AAK1: variants seen among roughly 807,000 people sequenced by gnomAD.
AAK1 encodes the protein AP2 associated kinase 1.
AAK1 carries 37 observed loss-of-function variants against 116.0 expected under a neutral mutation model. The ratio of observed to expected loss-of-function variants is 0.32; its 90% CI spans 0.25 to 0.42. The LOEUF (loss-of-function observed/expected upper bound fraction) is 0.42. AAK1 is among the 10% of genes least tolerant of loss of function. The pLI, the probability that AAK1 is intolerant of heterozygous loss-of-function variation, is 1.00. For synonymous variants in AAK1, 458 were observed against 439.9 expected, an observed-to-expected ratio of 1.04 and a Z score of -0.51; for missense variants, 919 against 1,170.6, an observed-to-expected ratio of 0.79 and a Z score of 3.14.
In AAK1 at chr2:69,479,364, C is replaced by A. The variant is rs12621380; in HGVS notation, c.2570-303G>T. ...TGGATTTTCATCTATAGAAACATGTCTTTCTAGATTCCTCTTAACATTAAC... is the reference window on the plus strand; with the variant it reads ...TGGATTTTCATCTATAGAAACATGTATTTCTAGATTCCTCTTAACATTAAC... On this transcript the variant is annotated intron_variant, in intron 19 of 21. Coordinates refer to ENST00000409085, the MANE Select transcript of AAK1 (RefSeq NM_014911.5). Among the ~76,000 whole-genome samples the A allele has an allele frequency of 7.6e-4, 116 of 152,258 alleles. 3 individuals are homozygous for A. The East Asian group carries it at 0.018, about 24-fold the overall frequency.
chr2:69,579,212 C>T (rs1007147132), intron 2 of AAK1, among the ~76,000 whole-genome samples: 1 of 152,192 alleles, frequency 6.6e-6, no homozygotes, highest in Non-Finnish European at 1.5e-5. Flanking sequence ...CTCTGTGGCT[C>T]AATCAAGCGG....
chr2:69,589,052 T>C (rs1672907750), intron 2 of AAK1, among the ~76,000 whole-genome samples: 1 of 152,196 alleles, frequency 6.6e-6, no homozygotes, highest in South Asian at 2.1e-4. Flanking sequence ...CAGAGCCTGA[T>C]CACAAAGGCC....
intron 12 of AAK1, among the ~76,000 whole-genome samples, chr2:69,516,314 GAAA>G (rs1271426999): frequency 8.7e-6 from 1 of 115,148 alleles, no homozygotes; most frequent in Admixed American, 8.7e-5. Flanking sequence ...AAGATTTCCA[GAAA>G]AAAAAAAAAA....
At chr2:69,643,465 G>A in intron 1 of AAK1, 110 bp downstream of exon 1, 2 of 1,207,284 alleles carry the variant, frequency 1.7e-6, no homozygotes, top group South Asian at 8.3e-5. Flanking sequence ...GGAGCTCGGA[G>A]AAAGGAGGGA....
rs1385401558 is a variant in AAK1, at chr2:69,471,097, C to T, written c.*4772G>A. 2 of 985,630 alleles carry T rather than the reference C, an allele frequency of 2.0e-6. No homozygotes were observed. Among genetic ancestry groups the T allele is most frequent in the African/African-American group, 3.5e-5 (2 of 57,188 alleles). The allele number at this position is 985,630 out of a possible 1,614,324, so 61.1% of individuals were successfully genotyped here. A position where few individuals can be genotyped will look rare whatever the true frequency, so the allele number is the denominator to read the frequency against. On this transcript the variant is annotated 3_prime_UTR_variant, in exon 22 of 22. Coordinates refer to ENST00000409085, the MANE Select transcript of AAK1 (RefSeq NM_014911.5). The stretch of plus-strand genomic sequence containing the variant: ...TTCTTGGGAAGGACGCGTTAAAGAC[C>T]TATGATAAACACACATCCACATGAC...
chr2:69,577,722 TGCCAAAACAGGAG>T (rs935550153), intron 2 of AAK1, among the ~76,000 whole-genome samples: 81 of 152,286 alleles, frequency 5.3e-4, no homozygotes, highest in Middle Eastern at 3.4e-3. Flanking sequence ...ATCTACACTG[TGCCAAAACAGGAG>T]GCCAGGGCAA....
chr2:69,521,134 T>G, intron 10 of AAK1, 146 bp from the exon 11 acceptor site: 1 of 904,304 alleles, frequency 1.1e-6, no homozygotes, highest in Non-Finnish European at 1.7e-6. Context: ...TCCCACAGGA[T>G]GCCATTGTTA....
intron 2 of AAK1, among the ~76,000 whole-genome samples, chr2:69,582,384 CACGTGTGTGTGT>C (rs1672584649): frequency 6.9e-6 from 1 of 145,738 alleles, no homozygotes; most frequent in African/African-American, 2.8e-5. Flanking sequence ...CGTGTGTGTG[CACGTGTGTGTGT>C]GCGTGTGTGT....
intron 2 of AAK1, among the ~76,000 whole-genome samples, chr2:69,593,482 GTA>G (rs559012409): frequency 4.0e-5 from 6 of 151,120 alleles, no homozygotes; most frequent in Admixed American, 2.0e-4. Flanking sequence ...CATAAATTTG[GTA>G]TATATATTAT....
chr2:69,557,758 A>T (rs1671447196), intron 2 of AAK1, among the ~76,000 whole-genome samples: 1 of 152,208 alleles, frequency 6.6e-6, no homozygotes, highest in African/African-American at 2.4e-5. Context: ...ACTTTCCCTC[A>T]TACCAGAGAG....
At chr2:69,637,227 T>C (rs778315092) in intron 2 of AAK1, among the ~76,000 whole-genome samples, 1 of 152,228 alleles carries the variant, frequency 6.6e-6, no homozygotes, top group Non-Finnish European at 1.5e-5. Flanking sequence ...ACCTCAAATG[T>C]CACCTTTCTT....
At chr2:69,587,354 TAC>T (rs1558982621) in intron 2 of AAK1, among the ~76,000 whole-genome samples, 2 of 140,924 alleles carry the variant, frequency 1.4e-5, no homozygotes, top group African/African-American at 5.7e-5. Flanking sequence ...CACACATATA[TAC>T]ACATATGCGT....
chr2:69,515,456 C>G (rs1275016317), intron 12 of AAK1, among the ~76,000 whole-genome samples: 1 of 151,920 alleles, frequency 6.6e-6, no homozygotes, highest in East Asian at 1.9e-4. Context: ...CTCCTAAGTA[C>G]CTGGTATCAC....
chr2:69,499,331 C>T (rs1675879280), intron 16 of AAK1, among the ~76,000 whole-genome samples: 1 of 152,188 alleles, frequency 6.6e-6, no homozygotes, highest in African/African-American at 2.4e-5. Flanking sequence ...GGACCTTCAA[C>T]CTTCTTCTAG....
chr2:69,541,906 T>C (rs1175406568), intron 5 of AAK1, among the ~76,000 whole-genome samples: 1 of 152,192 alleles, frequency 6.6e-6, no homozygotes, highest in Non-Finnish European at 1.5e-5. Flanking sequence ...TTATATGACT[T>C]TAGGCAAGTC....
Position 69,469,463 on chromosome 2 carries a change from A to G in AAK1, c.*6406T>C. 8 of 985,456 alleles carry G rather than the reference A, an allele frequency of 8.1e-6. No individual in the cohort carries two copies. Among genetic ancestry groups the G allele is most frequent in the Non-Finnish European group, 9.6e-6 (8 of 829,936 alleles). 61.0% of individuals were successfully genotyped at this position (985,456 alleles called of 1,614,324 possible). The stretch of plus-strand genomic sequence containing the variant: ...CAGGGTGAACAGTTCCTTTATATGA[A>G]GGTAGCATTGTGTCAACAAGAAAAC... On this transcript the variant is annotated 3_prime_UTR_variant, in exon 22 of 22. Transcript: ENST00000409085.
Position 69,471,751 on chromosome 2 carries a change from A to C in AAK1, c.*4118T>G. The stretch of plus-strand genomic sequence containing the variant: ...TATTTAGCTGAGTGCAGATCCCTCC[A>C]CATCATAGGCTGTCAGCCCCAAAGA... On this transcript the variant is annotated 3_prime_UTR_variant, in exon 22 of 22. Transcript: ENST00000409085. 1.0e-6 allele frequency: 1 copy of C among 985,462 alleles called. No homozygotes were observed. Among genetic ancestry groups the C allele is most frequent in the Non-Finnish European group, 1.2e-6 (1 of 829,942 alleles). 61.0% of individuals were successfully genotyped at this position (985,462 alleles called of 1,614,324 possible). A position where few individuals can be genotyped will look rare whatever the true frequency, so the allele number is the denominator to read the frequency against.
At chr2:69,478,156 G>T (rs1674921502) in intron 20 of AAK1, among the ~76,000 whole-genome samples, 1 of 152,238 alleles carries the variant, frequency 6.6e-6, no homozygotes, top group Non-Finnish European at 1.5e-5. Flanking sequence ...TGCAAGGACT[G>T]ACTTTTGAGG....
rs377255943 is a variant in AAK1, at chr2:69,519,747, CTTACTTAT to C, written c.1211-515_1211-508del. Among the ~76,000 whole-genome samples the C allele has an allele frequency of 2.1e-3, 314 of 152,282 alleles. 1 individual carries two copies. Among genetic ancestry groups the C allele is most frequent in the African/African-American group, 7.4e-3 (307 of 41,560 alleles). The stretch of plus-strand genomic sequence containing the variant: ...GATCAATCCTTTTTATGAAACAAAG[CTTACTTAT>C]TTCATTAGAAACAGAATGCCAAAAC... On this transcript the variant is annotated intron_variant, in intron 11 of 21. Coordinates refer to ENST00000409085, the MANE Select transcript of AAK1 (RefSeq NM_014911.5).
Sources: gnomAD v4.1 joint callset for allele counts (sites outside exome capture counted in the v4.1 genomes callset) on GRCh38, gnomAD v4.1.1 for gene constraint, MANE v1.5 for transcripts, NCBI Gene and HGNC (gene_info 2026-07-23, HGNC 2026-07-21) for gene names.